CAMK4: variants seen among roughly 807,000 people sequenced by gnomAD.
CAMK4 encodes the protein calcium/calmodulin dependent protein kinase IV.
A neutral mutation model predicts 44.9 loss-of-function variants in CAMK4; 22 were observed. The ratio of observed to expected loss-of-function variants is 0.49; its 90% CI spans 0.35 to 0.70. The LOEUF (loss-of-function observed/expected upper bound fraction) is 0.70, where lower values mean the gene tolerates loss of function less well. Ranked by LOEUF, CAMK4 falls within the 30% of genes least tolerant of loss-of-function variation. The probability of loss-of-function intolerance (pLI) is 0.01; values close to 1 mark genes in which losing one functional copy is unlikely to be tolerated. For missense variants in CAMK4, 498 were observed against 586.8 expected, an observed-to-expected ratio of 0.85 and a Z score of 1.56; for synonymous variants, 218 against 215.4, an observed-to-expected ratio of 1.01 and a Z score of -0.11.
intron 5 of CAMK4, among the ~76,000 whole-genome samples, chr5:111,407,938 C>T (rs1319900155): frequency 6.6e-6 from 1 of 152,032 alleles, no homozygotes. Flanking sequence ...CCAGCCTGGC[C>T]AACATGGTGA....
chr5:111,313,970 G>A (rs577740623), intron 1 of CAMK4, among the ~76,000 whole-genome samples: 1 of 152,076 alleles, frequency 6.6e-6, no homozygotes, highest in African/African-American at 2.4e-5. Context: ...TCGAATTATA[G>A]GAGTAGAATC....
chr5:111,399,093 A>G (rs1221886286), intron 5 of CAMK4, among the ~76,000 whole-genome samples: 2 of 152,178 alleles, frequency 1.3e-5, no homozygotes, highest in East Asian at 1.9e-4. Context: ...GTAAAAAAAA[A>G]AATCAAAATG....
intron 1 of CAMK4, among the ~76,000 whole-genome samples, chr5:111,240,244 C>T (rs993356120): frequency 6.6e-6 from 1 of 151,400 alleles, no homozygotes; most frequent in Non-Finnish European, 1.5e-5. Flanking sequence ...AATAACCAAA[C>T]CCAGAATCAC....
At chr5:111,353,098 T>A (rs908006105) in intron 2 of CAMK4, among the ~76,000 whole-genome samples, 1 of 152,036 alleles carries the variant, frequency 6.6e-6, no homozygotes, top group East Asian at 1.9e-4. Flanking sequence ...AGTATATGGT[T>A]TATAGAAAGC....
At chr5:111,362,469 A>T (rs1750631948) in intron 2 of CAMK4, among the ~76,000 whole-genome samples, 1 of 152,070 alleles carries the variant, frequency 6.6e-6, no homozygotes, top group Non-Finnish European at 1.5e-5. Flanking sequence ...AAATATTTTT[A>T]TATTTGAAAA....
intron 1 of CAMK4, among the ~76,000 whole-genome samples, chr5:111,335,299 A>T (rs565409334): frequency 6.6e-6 from 1 of 151,504 alleles, no homozygotes; most frequent in South Asian, 2.1e-4. Context: ...ACATTGTGCA[A>T]TCTCATCTTC....
intron 1 of CAMK4, among the ~76,000 whole-genome samples, chr5:111,272,548 A>G (rs530728982): frequency 3.2e-4 from 48 of 152,302 alleles, no homozygotes; most frequent in African/African-American, 1.1e-3. Flanking sequence ...GGGATTTAAC[A>G]TATTCATATC....
At chr5:111,380,009 G>T (rs1454752363) in intron 4 of CAMK4, among the ~76,000 whole-genome samples, 1 of 152,058 alleles carries the variant, frequency 6.6e-6, no homozygotes, top group Non-Finnish European at 1.5e-5. Context: ...GACATCATGA[G>T]AAGAAGAAAG....
intron 5 of CAMK4, among the ~76,000 whole-genome samples, chr5:111,435,930 A>G (rs1004387085): frequency 2.6e-5 from 4 of 152,202 alleles, no homozygotes; most frequent in Admixed American, 6.5e-5. Context: ...ATATACAAAT[A>G]AATATTATAT....
At chr5:111,375,137 C>T (rs772471240) in intron 3 of CAMK4, among the ~76,000 whole-genome samples, 15 of 152,150 alleles carry the variant, frequency 9.9e-5, no homozygotes, top group Admixed American at 3.3e-4. Flanking sequence ...TAGCAATATA[C>T]GCCATCTTTA....
At chr5:111,287,851 AATGAAATATTGTTAAGC>A (rs1280067556) in intron 1 of CAMK4, among the ~76,000 whole-genome samples, 34 of 152,244 alleles carry the variant, frequency 2.2e-4, no homozygotes, top group South Asian at 1.5e-3. Flanking sequence ...TATGCTCCCT[AATGAAATATTGTTAAGC>A]AAAACCACCA....
At chr5:111,270,229 T>C (rs867902899) in intron 1 of CAMK4, 1 of 152,216 alleles carries the variant, frequency 6.6e-6, no homozygotes, top group Admixed American at 6.5e-5. Flanking sequence ...AAATAAAAGT[T>C]AGTTGATATA....
intron 1 of CAMK4, among the ~76,000 whole-genome samples, chr5:111,252,771 C>A (rs1749563944): frequency 6.6e-6 from 1 of 152,080 alleles, no homozygotes; most frequent in Non-Finnish European, 1.5e-5. Context: ...ATCCGTGATC[C>A]TACAGATTTT....
chr5:111,247,719 A>G (rs1188280065), intron 1 of CAMK4, among the ~76,000 whole-genome samples: 1 of 152,092 alleles, frequency 6.6e-6, no homozygotes, highest in Non-Finnish European at 1.5e-5. Context: ...AGGCCACCCC[A>G]GATAATGGAG....
chr5:111,331,893 C>T (rs1749181892), intron 1 of CAMK4, among the ~76,000 whole-genome samples: 1 of 151,306 alleles, frequency 6.6e-6, no homozygotes, highest in Non-Finnish European at 1.5e-5. Flanking sequence ...TTCTTATTTT[C>T]ATATTATGTT....
At chr5:111,445,897 G>C (rs1274062090) in intron 5 of CAMK4, among the ~76,000 whole-genome samples, 1 of 152,064 alleles carries the variant, frequency 6.6e-6, no homozygotes, top group South Asian at 2.1e-4. Context: ...CAAACTTTTT[G>C]GGAAAAAACG....
chr5:111,256,518 T>G (rs1278520954), intron 1 of CAMK4, among the ~76,000 whole-genome samples: 1 of 152,194 alleles, frequency 6.6e-6, no homozygotes, highest in African/African-American at 2.4e-5. Context: ...TAGGACTTCT[T>G]TATACTAGTT....
At chr5:111,390,740 T>C (rs1751766763) in intron 4 of CAMK4, among the ~76,000 whole-genome samples, 1 of 152,180 alleles carries the variant, frequency 6.6e-6, no homozygotes, top group Admixed American at 6.6e-5. Flanking sequence ...TTCATAAGAC[T>C]AGACAGCAAC....
chr5:111,249,632 A>ACATATAAATGTGTGTGTGTGTGTGTG (rs1749392665), intron 1 of CAMK4, among the ~76,000 whole-genome samples: 1 of 112,612 alleles, frequency 8.9e-6, no homozygotes, highest in Non-Finnish European at 2.0e-5. Flanking sequence ...TTGTGTGTAT[A>ACATATAAATGTGTGTGTGTGTGTGTG]TATATATATA....
Sources: gnomAD v4.1 joint callset for allele counts (sites outside exome capture counted in the v4.1 genomes callset) on GRCh38, gnomAD v4.1.1 for gene constraint, MANE v1.5 for transcripts, NCBI Gene and HGNC (gene_info 2026-07-23, HGNC 2026-07-21) for gene names.